Variants in CTXND2 observed in about 807,000 individuals in gnomAD.
CTXND2 encodes cortexin domain containing 2.
At chr1:150,894,923 T>C (rs1202583731) in intron 1 of CTXND2, among the ~76,000 whole-genome samples, 2 of 151,936 alleles carry the variant, frequency 1.3e-5, no homozygotes, top group African/African-American at 2.4e-5. Flanking sequence ...TAGTCTCAGC[T>C]ACTCAGGAGG....
chr1:150,897,200 C>G (rs1270778363), intron 1 of CTXND2, among the ~76,000 whole-genome samples: 3 of 152,088 alleles, frequency 2.0e-5, no homozygotes, highest in Non-Finnish European at 4.4e-5. Flanking sequence ...TTAAAGATCA[C>G]TTTGTAGTTT....
chr1:150,892,620 C>A (rs1668867929), intron 1 of CTXND2, among the ~76,000 whole-genome samples: 1 of 151,308 alleles, frequency 6.6e-6, no homozygotes, highest in Admixed American at 6.6e-5. Context: ...CTCACTGCAG[C>A]CTGAACCTCC....
chr1:150,898,844 C>G (rs1040431147), intron 1 of CTXND2, among the ~76,000 whole-genome samples: 1 of 141,848 alleles, frequency 7.0e-6, no homozygotes, highest in Non-Finnish European at 1.5e-5. Flanking sequence ...CTGGGAAGCC[C>G]AGGCGGGCGG....
At chr1:150,908,641 G>A (rs769556548) in intron 1 of CTXND2, among the ~76,000 whole-genome samples, 86 of 151,668 alleles carry the variant, frequency 5.7e-4, no homozygotes, top group Admixed American at 9.2e-4. Context: ...TGTAACTTTG[G>A]TTATCAGGTC....
intron 1 of CTXND2, among the ~76,000 whole-genome samples, chr1:150,909,782 T>G (rs2102604767): frequency 6.6e-6 from 1 of 152,268 alleles, no homozygotes; most frequent in South Asian, 2.1e-4. Flanking sequence ...TGACAGGTAT[T>G]GCCAAAGAAG....
At chr1:150,911,934 C>CA (rs1435013387) in intron 1 of CTXND2, among the ~76,000 whole-genome samples, 2 of 152,146 alleles carry the variant, frequency 1.3e-5, no homozygotes, top group Admixed American at 6.6e-5. Context: ...TTTGACTTAA[C>CA]ACAGAATTCA....
At chr1:150,899,054 C>T (rs1026544311) in intron 1 of CTXND2, among the ~76,000 whole-genome samples, 6 of 150,424 alleles carry the variant, frequency 4.0e-5, no homozygotes, top group South Asian at 2.1e-4. Flanking sequence ...GCTGAGATCA[C>T]GCCACTGCAC....
chr1:150,905,037 TAAGAC>T (rs1201124550), intron 1 of CTXND2, among the ~76,000 whole-genome samples: 1 of 133,188 alleles, frequency 7.5e-6, no homozygotes, highest in East Asian at 2.2e-4. Context: ...TGTGTGATCA[TAAGAC>T]AAGATAATCA....
intron 1 of CTXND2, among the ~76,000 whole-genome samples, chr1:150,902,215 C>T (rs1019985067): frequency 1.3e-5 from 2 of 152,038 alleles, no homozygotes; most frequent in African/African-American, 4.8e-5. Context: ...TCCTGGATAA[C>T]ACAGTGAAAC....
At chr1:150,891,319 T>C (rs1668847250) in intron 1 of CTXND2, among the ~76,000 whole-genome samples, 1 of 152,094 alleles carries the variant, frequency 6.6e-6, no homozygotes, top group African/African-American at 2.4e-5. Context: ...GTTCACACCA[T>C]TCTCCTGCCT....
intron 1 of CTXND2, among the ~76,000 whole-genome samples, chr1:150,888,667 T>C (rs909782030): frequency 2.0e-5 from 3 of 152,050 alleles, no homozygotes; most frequent in East Asian, 3.9e-4. Flanking sequence ...GCATTTTCCT[T>C]TCTAATAAGA....
intron 1 of CTXND2, among the ~76,000 whole-genome samples, chr1:150,905,061 ACCACACACACACACACAC>A (rs1313980737): frequency 1.4e-5 from 1 of 71,718 alleles, no homozygotes; most frequent in Non-Finnish European, 2.9e-5. Context: ...CAAAAAGAAA[ACCACACACACACACACAC>A]ACACACACAC....
intron 1 of CTXND2, among the ~76,000 whole-genome samples, chr1:150,906,074 G>A (rs1669141211): frequency 6.6e-6 from 1 of 151,960 alleles, no homozygotes; most frequent in African/African-American, 2.4e-5. Flanking sequence ...GGTGGGCAGA[G>A]GGTTGCTTGA....
chr1:150,895,020 G>C (rs1207781223), intron 1 of CTXND2, among the ~76,000 whole-genome samples: 1 of 151,742 alleles, frequency 6.6e-6, no homozygotes, highest in African/African-American at 2.4e-5. Context: ...GACACAGTGA[G>C]ACTCCGTCCC....
At chr1:150,912,820 G>A in exon 2 of CTXND2, 1 of 182,550 alleles carries the variant, frequency 5.5e-6, no homozygotes, top group Non-Finnish European at 1.1e-5. Flanking sequence ...CCTAGAGGTG[G>A]CAGACTTGAA....
intron 1 of CTXND2, among the ~76,000 whole-genome samples, chr1:150,900,111 C>T (rs587774188): frequency 2.0e-4 from 30 of 152,242 alleles, no homozygotes; most frequent in Non-Finnish European, 3.7e-4. Flanking sequence ...CCCTTTCCAC[C>T]GTGTGGAGGC....
chr1:150,899,261 C>T (rs1668960487), intron 1 of CTXND2, among the ~76,000 whole-genome samples: 1 of 151,798 alleles, frequency 6.6e-6, no homozygotes, highest in Admixed American at 6.6e-5. Flanking sequence ...ATAGCAAGAC[C>T]CCCATCTCTA....
At chr1:150,910,116 TTC>T (rs1266985078) in intron 1 of CTXND2, among the ~76,000 whole-genome samples, 9 of 151,400 alleles carry the variant, frequency 5.9e-5, no homozygotes, top group Admixed American at 1.3e-4. Context: ...TTTTTCTTTT[TTC>T]TGTTTTTTTT....
intron 1 of CTXND2, among the ~76,000 whole-genome samples, chr1:150,891,930 G>A (rs1195801800): frequency 6.6e-6 from 1 of 152,060 alleles, no homozygotes; most frequent in Non-Finnish European, 1.5e-5. Flanking sequence ...TTGCTTTCAG[G>A]AAGTACAGAT....
Sources: allele counts gnomAD v4.1 joint callset (sites outside exome capture counted in the v4.1 genomes callset), GRCh38; gene constraint gnomAD v4.1.1; transcripts MANE v1.5; gene names NCBI Gene and HGNC (gene_info 2026-07-23, HGNC 2026-07-21).